Variants in MSANTD7 observed in about 807,000 individuals in gnomAD.
The protein encoded by MSANTD7 is Myb/SANT DNA binding domain containing 7, also known as zinc finger and SCAN domain containing 29.
At chr10:14,844,253 G>A in the MSANTD7 span, 51 of 1,092,078 alleles carry the variant, frequency 4.7e-5, no homozygotes, top group Non-Finnish European at 5.5e-5. Flanking sequence ...GGGTTGTTGT[G>A]AGGATCACGT....
the MSANTD7 span, chr10:14,840,136 TA>T: frequency 6.8e-7 from 1 of 1,467,826 alleles, no homozygotes; most frequent in Non-Finnish European, 9.1e-7. Flanking sequence ...GTAATGAAAG[TA>T]AAGCAGATCC....
At chr10:14,840,942 G>A in the MSANTD7 span, among the ~76,000 whole-genome samples, 2 of 152,082 alleles carry the variant, frequency 1.3e-5, no homozygotes, top group African/African-American at 4.8e-5. Context: ...TTATCCTAGG[G>A]GGTAAACTGG....
chr10:14,845,893 T>C, the MSANTD7 span: 13 of 464,688 alleles, frequency 2.8e-5, no homozygotes, highest in African/African-American at 2.7e-4. Flanking sequence ...ATCTCCGGAT[T>C]GAGGGATTTG....
the MSANTD7 span, chr10:14,844,064 C>A: frequency 7.0e-7 from 1 of 1,432,508 alleles, no homozygotes; most frequent in South Asian, 1.5e-5. Context: ...AGATTCTCCA[C>A]CAAATGGAAG....
the MSANTD7 span, among the ~76,000 whole-genome samples, chr10:14,840,631 C>A: frequency 6.1e-3 from 925 of 152,254 alleles, 34 homozygotes; most frequent in East Asian, 0.09. Context: ...ATTAGAGTAA[C>A]AGCTAAATTA....
chr10:14,842,071 A>T, the MSANTD7 span: 1 of 1,268,782 alleles, frequency 7.9e-7, no homozygotes, highest in Non-Finnish European at 1.1e-6. This position sits in a 1 kb window ranked among gnomAD's most constrained non-coding sequence, Gnocchi z 5.2. Context: ...AGCACCACTT[A>T]ACTTGCTGCC....
At chr10:14,842,298 A>G in the MSANTD7 span, 24 of 1,535,750 alleles carry the variant, frequency 1.6e-5, no homozygotes, top group Non-Finnish European at 2.1e-5. This position sits in a 1 kb window ranked among gnomAD's most constrained non-coding sequence, Gnocchi z 5.2. Context: ...GCCAGTGCCA[A>G]TAGCAGTGCG....
chr10:14,840,188 G>T, the MSANTD7 span: 1 of 1,056,494 alleles, frequency 9.5e-7, no homozygotes, highest in South Asian at 2.2e-5. Context: ...TTTAAATATG[G>T]TAATAGGAAC....
At chr10:14,843,311 G>C in the MSANTD7 span, 1 of 1,541,624 alleles carries the variant, frequency 6.5e-7, no homozygotes, top group Non-Finnish European at 8.8e-7. Context: ...TCTGCTGCTG[G>C]CTCCAAGCAT....
the MSANTD7 span, chr10:14,844,388 T>C: frequency 1.0e-6 from 1 of 996,792 alleles, no homozygotes; most frequent in Non-Finnish European, 1.2e-6. Context: ...GGATATATAC[T>C]GTGACTTCAT....
At chr10:14,845,283 T>C in the MSANTD7 span, 246 of 985,276 alleles carry the variant, frequency 2.5e-4, no homozygotes, top group Non-Finnish European at 2.9e-4. Flanking sequence ...ATTTAAAAAG[T>C]TTTCCAATAA....
the MSANTD7 span, chr10:14,842,483 A>T: frequency 6.5e-7 from 1 of 1,536,152 alleles, no homozygotes; most frequent in Non-Finnish European, 8.7e-7. The surrounding 1 kb of genome is among the most constrained non-coding windows in gnomAD (Gnocchi z 5.2). Context: ...CTCCAAGTTT[A>T]AAGTTCTGAA....
At chr10:14,842,387 A>T in the MSANTD7 span, 1 of 1,536,154 alleles carries the variant, frequency 6.5e-7, no homozygotes, top group Non-Finnish European at 8.7e-7. This position sits in a 1 kb window ranked among gnomAD's most constrained non-coding sequence, Gnocchi z 5.2. Flanking sequence ...GCGCCTCCAG[A>T]CTGTGCATCA....
the MSANTD7 span, among the ~76,000 whole-genome samples, chr10:14,840,722 T>C: frequency 1.3e-5 from 2 of 152,274 alleles, no homozygotes; most frequent in Non-Finnish European, 2.9e-5. Flanking sequence ...CCCAGACTTC[T>C]GTCTCCTCAA....
the MSANTD7 span, chr10:14,842,178 G>A: frequency 2.0e-6 from 3 of 1,534,944 alleles, no homozygotes; most frequent in Admixed American, 2.0e-5. This position sits in a 1 kb window ranked among gnomAD's most constrained non-coding sequence, Gnocchi z 5.2. Flanking sequence ...AATTATCCCT[G>A]AGAGGGAAGA....
chr10:14,840,292 T>C, the MSANTD7 span: 2 of 339,502 alleles, frequency 5.9e-6, no homozygotes, highest in South Asian at 1.0e-4. Context: ...TTACAGAGAG[T>C]ACCCCCAGTA....
chr10:14,841,835 G>A, the MSANTD7 span, among the ~76,000 whole-genome samples: 164 of 152,298 alleles, frequency 1.1e-3, 1 homozygote, highest in Non-Finnish European at 1.8e-3. Context: ...CTCCTTTAGC[G>A]TTAGCTGCCT....
chr10:14,845,750 C>T, the MSANTD7 span: 5 of 174,462 alleles, frequency 2.9e-5, no homozygotes, highest in African/African-American at 4.8e-5. Context: ...TTAGTAGAGA[C>T]GGGGTTTCAC....
At chr10:14,842,201 C>T in the MSANTD7 span, 1 of 1,535,368 alleles carries the variant, frequency 6.5e-7, no homozygotes, top group Non-Finnish European at 8.7e-7. This position sits in a 1 kb window ranked among gnomAD's most constrained non-coding sequence, Gnocchi z 5.2. Context: ...CTGGAGATAT[C>T]CTGAGAGCAC....
Sources: gnomAD v4.1 joint callset for allele counts (sites outside exome capture counted in the v4.1 genomes callset) on GRCh38, gnomAD v4.1.1 for gene constraint, Gnocchi (gnomAD v3.1) non-coding constraint, MANE v1.5 for transcripts, NCBI Gene and HGNC (gene_info 2026-07-23, HGNC 2026-07-21) for gene names.